The following USP15 variants were observed in gnomAD, a reference collection of about 807,000 sequenced individuals.
USP15 encodes the protein ubiquitin specific peptidase 15.
A neutral mutation model predicts 127.1 loss-of-function variants in USP15; 18 were observed. That is an observed-to-expected ratio of 0.14 (90% CI 0.10 to 0.21). The LOEUF (loss-of-function observed/expected upper bound fraction) is 0.21, where lower values mean the gene tolerates loss of function less well. Among genes scored for constraint, USP15 ranks in the 10% least tolerant of loss-of-function variants. The pLI, the probability that USP15 is intolerant of heterozygous loss-of-function variation, is 1.00. For synonymous variants in USP15, 364 were observed against 393.7 expected, an observed-to-expected ratio of 0.92 and a Z score of 0.89; for missense variants, 805 against 1,159.9, an observed-to-expected ratio of 0.69 and a Z score of 4.44.
chr12:62,361,067 C>T (rs1384533481), intron 8 of USP15, among the ~76,000 whole-genome samples: 1 of 151,922 alleles, frequency 6.6e-6, no homozygotes, highest in African/African-American at 2.4e-5. Flanking sequence ...ATAGCCCTTC[C>T]TTTTTGAAAG....
intron 4 of USP15, among the ~76,000 whole-genome samples, chr12:62,315,664 T>C (rs1404600980): frequency 6.6e-6 from 1 of 152,166 alleles, no homozygotes; most frequent in Non-Finnish European, 1.5e-5. Flanking sequence ...GACACATAAC[T>C]TGTAGAACCC....
chr12:62,331,942 A>G (rs2065316603), intron 6 of USP15, among the ~76,000 whole-genome samples: 1 of 152,160 alleles, frequency 6.6e-6, no homozygotes, highest in South Asian at 2.1e-4. Context: ...AGGTGAACGG[A>G]TCACTTGAGG....
At chr12:62,274,998 GA>G (rs1053353269) in intron 1 of USP15, among the ~76,000 whole-genome samples, 13 of 152,254 alleles carry the variant, frequency 8.5e-5, no homozygotes, top group African/African-American at 3.1e-4. Context: ...TTCTGAGGAT[GA>G]AGAGGCGAGG....
At position 62,293,325 on chromosome 12, in the gene USP15, G is replaced by C. The variant is rs117959068; in HGVS notation, c.90-854G>C. Among the ~76,000 whole-genome samples the C allele has an allele frequency of 1.3e-3, 194 of 152,074 alleles. 1 individual carries two copies. The East Asian group carries it at 0.028, about 22-fold the overall frequency. ...TTTTGTGTACTAGTATTCTCTCTCT[G>C]ATATTCTGTTAGAGCTGTGATTATG... On this transcript the variant is annotated intron_variant, in intron 1 of 21. Transcript: ENST00000280377.
intron 7 of USP15, chr12:62,354,949 CAG>C (rs777042483): frequency 5.5e-4 from 84 of 154,014 alleles, no homozygotes; most frequent in Non-Finnish European, 8.9e-4. Context: ...ATTACAATAA[CAG>C]AATGCAAAGG....
intron 2 of USP15, among the ~76,000 whole-genome samples, chr12:62,298,851 A>G (rs1466875195): frequency 2.6e-5 from 4 of 151,398 alleles, no homozygotes; most frequent in Non-Finnish European, 5.9e-5. Context: ...AAAAAAAAAA[A>G]AAGAATGAGT....
At position 62,389,707 on chromosome 12, in the gene USP15, TA is replaced by T. The variant is rs770994431; in HGVS notation, c.1652+12del. The T allele has an allele frequency of 1.9e-6, 3 of 1,605,796 alleles. No homozygotes were observed. Among genetic ancestry groups the T allele is most frequent in the South Asian group, 2.2e-5 (2 of 89,282 alleles). ...ACGGGATGATATTTATGTGTAAGTA[TA>T]AAACTCATTGTGCAAAATATTACTT... is the stretch of plus-strand genomic sequence containing the variant. On this transcript the variant is annotated intron_variant, in intron 13 of 21. Coordinates refer to ENST00000280377, the MANE Select transcript of USP15 (RefSeq NM_001252078.2).
Position 62,390,844 on chromosome 12 carries a change from G to GA in USP15, c.1845-19dup. 6.4e-7 allele frequency: 1 copy of GA among 1,567,934 alleles called. No individual in the cohort carries two copies. Among genetic ancestry groups the GA allele is most frequent in the Non-Finnish European group, 8.7e-7 (1 of 1,144,686 alleles). On this transcript the variant is annotated intron_variant, in intron 14 of 21. Transcript: ENST00000280377. The stretch of plus-strand genomic sequence containing the variant: ...TATCTTTGTAGTACTGAACTTGTTT[G>GA]ATTTTTGATTTTACTTAAGCCGATA...
chr12:62,372,742 C>A (rs2066714954), intron 8 of USP15, among the ~76,000 whole-genome samples: 1 of 151,932 alleles, frequency 6.6e-6, no homozygotes, highest in South Asian at 2.1e-4. Flanking sequence ...AAAGTTAATT[C>A]TTTTAAATTT....
intron 1 of USP15, among the ~76,000 whole-genome samples, chr12:62,270,415 C>T (rs2063321296): frequency 6.6e-6 from 1 of 151,948 alleles, no homozygotes; most frequent in African/African-American, 2.4e-5. Context: ...CTTTTGGTAT[C>T]ATGTCTAAGA....
chr12:62,319,674 C>T (rs1207160286), intron 4 of USP15, among the ~76,000 whole-genome samples: 1 of 152,128 alleles, frequency 6.6e-6, no homozygotes, highest in Non-Finnish European at 1.5e-5. Context: ...AATGTTCCCC[C>T]ATATGTAAAT....
intron 5 of USP15, among the ~76,000 whole-genome samples, chr12:62,324,419 A>T (rs1367636630): frequency 6.6e-6 from 1 of 152,044 alleles, no homozygotes; most frequent in Non-Finnish European, 1.5e-5. Context: ...TGTAAAGTTT[A>T]TATGTATATT....
intron 1 of USP15, among the ~76,000 whole-genome samples, chr12:62,288,845 A>G (rs1316487186): frequency 6.6e-6 from 1 of 152,096 alleles, no homozygotes; most frequent in Non-Finnish European, 1.5e-5. Context: ...TATTGAGATT[A>G]TTATATGGTT....
Position 62,413,217 on chromosome 12 carries a change from A to G in USP15, c.*8842A>G, listed in dbSNP as rs1458102357. On this transcript the variant is annotated 3_prime_UTR_variant, in exon 22 of 22. Coordinates refer to ENST00000280377, the MANE Select transcript of USP15 (RefSeq NM_001252078.2). ...ATTTAGTAAACCTTCCTATAAACGG[A>G]TGTGCTACCATCCAGGCTTTATGGT... 2 of 152,198 alleles carry G rather than the reference A, an allele frequency of 1.3e-5. No homozygotes were observed. Among genetic ancestry groups the G allele is most frequent in the Non-Finnish European group, 2.9e-5 (2 of 68,036 alleles). The allele number at this position is 152,198 out of a possible 1,614,324, so 9.4% of individuals were successfully genotyped here.
In USP15 at chr12:62,411,085, TTG is replaced by T. The variant is rs1021991854; in HGVS notation, c.*6714_*6715del. 6.6e-6 allele frequency: 1 copy of T among 152,144 alleles called. No homozygotes were observed. Among genetic ancestry groups the T allele is most frequent in the East Asian group, 1.9e-4 (1 of 5,202 alleles). 9.4% of individuals were successfully genotyped at this position (152,144 alleles called of 1,614,324 possible). On this transcript the variant is annotated 3_prime_UTR_variant, in exon 22 of 22. Transcript: ENST00000280377. Reference sequence around the variant, plus strand: ...ACAAAAACTGTGAGATAACAGATGTTTGTGTTTTTAGCTGCTAAGCTTTAATT... The same window carrying T: ...ACAAAAACTGTGAGATAACAGATGTTTGTTTTTAGCTGCTAAGCTTTAATT...
intron 8 of USP15, among the ~76,000 whole-genome samples, chr12:62,364,901 T>C (rs538081373): frequency 6.6e-6 from 1 of 152,224 alleles, no homozygotes; most frequent in Non-Finnish European, 1.5e-5. Context: ...TCCTTTTTTA[T>C]GGCTGCATAA....
chr12:62,379,320 G>A (rs2066920167), intron 8 of USP15, among the ~76,000 whole-genome samples: 1 of 151,994 alleles, frequency 6.6e-6, no homozygotes, highest in South Asian at 2.1e-4. Flanking sequence ...AAAGAAAAGG[G>A]TATTGACAAA....
chr12:62,396,376 T>C lies in USP15; in HGVS notation c.2652T>C (p.Tyr884=), dbSNP rs1375745273. The change falls in exon 20 of 22, where the codon TAT becomes TAC. Residue 884 remains tyrosine (Y), a synonymous_variant. Coordinates refer to ENST00000280377, the MANE Select transcript of USP15 (RefSeq NM_001252078.2). ...ATCTGATTGCTGTTTCCAACCACTA[T>C]GGAGGGATGGGAGGAGGACACTGTA... ...RYNLIAVSNH[Y]GGMGGGHYTA... is the part of the protein sequence containing the mutation. The C allele has an allele frequency of 4.3e-6, 7 of 1,613,346 alleles. No homozygotes were observed. Among genetic ancestry groups the C allele is most frequent in the Admixed American group, 1.7e-5 (1 of 59,974 alleles).
intron 19 of USP15, among the ~76,000 whole-genome samples, chr12:62,394,437 A>C (rs763409994): frequency 6.6e-6 from 1 of 152,256 alleles, no homozygotes; most frequent in Non-Finnish European, 1.5e-5. Context: ...ATTGGTGGCT[A>C]TAAATTTAAA....
Sources: allele counts gnomAD v4.1 joint callset (sites outside exome capture counted in the v4.1 genomes callset), GRCh38; gene constraint gnomAD v4.1.1; transcripts MANE v1.5; gene names NCBI Gene and HGNC (gene_info 2026-07-23, HGNC 2026-07-21).